Variants in MTMR10 observed in about 807,000 individuals in gnomAD.
The protein encoded by MTMR10 is myotubularin-related protein 10.
In MTMR10, 56 loss-of-function variants were observed where a neutral mutation model predicts 88.1. That is an observed-to-expected ratio of 0.64 (90% CI 0.51 to 0.79). MTMR10 has a LOEUF of 0.79. Among genes scored for constraint, MTMR10 ranks in the 30% least tolerant of loss-of-function variants. The probability of loss-of-function intolerance (pLI) is 0.00; values close to 1 mark genes in which losing one functional copy is unlikely to be tolerated. For missense variants in MTMR10, 883 were observed against 924.7 expected, an observed-to-expected ratio of 0.95 and a Z score of 0.58; for synonymous variants, 380 against 340.9, an observed-to-expected ratio of 1.11 and a Z score of -1.26.
the MTMR10 span, chr15:30,928,539 T>TGA: frequency 8.7e-6 from 14 of 1,611,206 alleles, no homozygotes; most frequent in Middle Eastern, 1.7e-4. Flanking sequence ...TGTGTGTGTG[T>TGA]GACCTTGTCT....
intron 2 of MTMR10, among the ~76,000 whole-genome samples, chr15:30,983,055 G>C (rs2030689939): frequency 1.3e-5 from 2 of 152,238 alleles, no homozygotes. Context: ...AGGTTCTGAA[G>C]TTTTCAGGGA....
chr15:30,944,720 T>C (rs563926236), intron 14 of MTMR10, among the ~76,000 whole-genome samples: 3 of 151,792 alleles, frequency 2.0e-5, no homozygotes, highest in Admixed American at 6.6e-5. Context: ...ATATAGAAAA[T>C]GTCCTCTTGG....
intron 2 of MTMR10, among the ~76,000 whole-genome samples, 154 bp downstream of exon 2, chr15:30,990,623 T>C (rs1219032769): frequency 6.6e-6 from 1 of 152,238 alleles, no homozygotes; most frequent in East Asian, 1.9e-4. Context: ...ATGACATTCT[T>C]GACAGTTCCT....
rs1595930604 is a variant in MTMR10, at chr15:30,965,652, T to C, written c.565+2268A>G. On this transcript the variant is annotated intron_variant, in intron 6 of 15. Transcript: ENST00000435680. ...CTCCTGGGGTGTTTGTGCAAAGCGA[T>C]GTTCCAAAGCCTGGGTGCTACACAT... Among the ~76,000 whole-genome samples, 4 of 152,244 alleles carry C rather than the reference T, an allele frequency of 2.6e-5. No homozygotes were observed. In the East Asian group the frequency reaches 7.7e-4, roughly 29 times the overall value.
chr15:30,950,741 T>C (rs537655721), intron 12 of MTMR10, among the ~76,000 whole-genome samples: 19 of 152,238 alleles, frequency 1.2e-4, no homozygotes, highest in South Asian at 1.2e-3. Flanking sequence ...CATGAGTATA[T>C]AGTCTTCCCT....
the MTMR10 span, chr15:30,925,810 T>C: frequency 6.8e-6 from 11 of 1,614,040 alleles, no homozygotes; most frequent in African/African-American, 4.0e-5. Context: ...AGGCAGGCTG[T>C]GCCCACAGCG....
At chr15:30,983,754 A>T (rs1054885337) in intron 2 of MTMR10, among the ~76,000 whole-genome samples, 1 of 152,210 alleles carries the variant, frequency 6.6e-6, no homozygotes, top group African/African-American at 2.4e-5. Context: ...TCTCAAGCAA[A>T]CTGGGACAAG....
chr15:30,940,299 TC>T lies in MTMR10; in HGVS notation c.*1170del. ...ATACTTTACTTTAGAGAGATTCAGA[TC>T]AAGCAAACAACTGTGTCTGCTCATT... On this transcript the variant is annotated 3_prime_UTR_variant, in exon 16 of 16. Transcript: ENST00000435680. The T allele has an allele frequency of 3.0e-6, 3 of 985,390 alleles. No homozygotes were observed. The highest frequency in any genetic ancestry group is 3.6e-6 in the Non-Finnish European group (3 of 829,912). The allele number at this position is 985,390 out of a possible 1,614,324, so 61.0% of individuals were successfully genotyped here. A position where few individuals can be genotyped will look rare whatever the true frequency, so the allele number is the denominator to read the frequency against.
intron 14 of MTMR10, among the ~76,000 whole-genome samples, chr15:30,944,581 A>AAC (rs2063141019): frequency 6.6e-6 from 1 of 151,730 alleles, no homozygotes; most frequent in African/African-American, 2.4e-5. Context: ...AAAAAAAAAA[A>AAC]AAATTTTAGT....
At chr15:30,968,801 G>A (rs1388970776) in intron 5 of MTMR10, among the ~76,000 whole-genome samples, 1 of 152,146 alleles carries the variant, frequency 6.6e-6, no homozygotes, top group Non-Finnish European at 1.5e-5. Context: ...TGCAGGCTAG[G>A]CCTTTGGAGG....
chr15:30,925,454 C>A, the MTMR10 span, among the ~76,000 whole-genome samples: 1 of 152,192 alleles, frequency 6.6e-6, no homozygotes, highest in African/African-American at 2.4e-5. Flanking sequence ...CCAGTCTCCC[C>A]CTAACGCCCT....
At chr15:30,959,741 G>A (rs2063375959) in intron 7 of MTMR10, among the ~76,000 whole-genome samples, 1 of 152,206 alleles carries the variant, frequency 6.6e-6, no homozygotes, top group African/African-American at 2.4e-5. Context: ...ATGCTGCAAA[G>A]CACCTTTCTA....
intron 14 of MTMR10, among the ~76,000 whole-genome samples, chr15:30,945,009 TAAAA>T (rs77847532): frequency 1.5e-5 from 2 of 137,656 alleles, no homozygotes; most frequent in Admixed American, 7.3e-5. Context: ...CAAACTGTCT[TAAAA>T]AAAAAAAAAA....
rs1470219915 is a variant in MTMR10, at chr15:30,943,012, C to G, written c.1609G>C (p.Val537Leu). 2.6e-6 allele frequency: 4 copies of G among 1,551,984 alleles called. No individual in the cohort carries two copies. In the Admixed American group the frequency reaches 5.9e-5, roughly 23 times the overall value. Residue 537 changes from valine to leucine, a missense_variant, in exon 15 of 16, where the codon GTT (valine) becomes CTT (leucine). Around this residue, in one of 3 missense-constraint regions of MTMR10, gnomAD observed 343 missense variants for 323.2 expected, o/e 1.06. Coordinates refer to ENST00000435680, the MANE Select transcript of MTMR10 (RefSeq NM_017762.3). ...GDEKGLKFPS[V>L]WDWSLQFTAK... ...GTAAACTGGAGAGACCAGTCCCAAA[C>G]AGAGGGGAATTTTAAGCCCTTCTCA...
Position 30,940,349 on chromosome 15 carries a change from T to C in MTMR10, c.*1121A>G, listed in dbSNP as rs748097247. The C allele has an allele frequency of 3.0e-6, 3 of 985,424 alleles. No individual in the cohort carries two copies. The highest frequency in any genetic ancestry group is 3.6e-6 in the Non-Finnish European group (3 of 829,928). The allele number at this position is 985,424 out of a possible 1,614,324, so 61.0% of individuals were successfully genotyped here. Reference sequence around the variant, plus strand: ...TTCTCCTCAACTTTGCTGTCCAAAGTTGGGGGCTGGGGGAGCACTTCTGTC... The same window carrying C: ...TTCTCCTCAACTTTGCTGTCCAAAGCTGGGGGCTGGGGGAGCACTTCTGTC... On this transcript the variant is annotated 3_prime_UTR_variant, in exon 16 of 16. Transcript: ENST00000435680.
At chr15:30,937,939 T>A (rs1285556160), downstream of MTMR10, among the ~76,000 whole-genome samples, 3 of 150,992 alleles carry the variant, frequency 2.0e-5, no homozygotes, top group African/African-American at 7.3e-5. Context: ...CCCAGCACTT[T>A]GGGAGGCTGA....
At chr15:30,924,161 G>A in the MTMR10 span, among the ~76,000 whole-genome samples, 3 of 152,210 alleles carry the variant, frequency 2.0e-5, no homozygotes, top group East Asian at 1.9e-4. Flanking sequence ...CACCCGCATC[G>A]TGGCACATGT....
the MTMR10 span, among the ~76,000 whole-genome samples, chr15:30,929,613 ATAAT>A: frequency 7.7e-6 from 1 of 130,434 alleles, no homozygotes; most frequent in Non-Finnish European, 1.5e-5. Context: ...TATTACATAT[ATAAT>A]ATATATTATA....
At position 30,988,797 on chromosome 15, in the gene MTMR10, T is replaced by A. The variant is rs1267495136; in HGVS notation, c.121+1980A>T. 3.3e-5 allele frequency among the ~76,000 whole-genome samples: 5 copies of A among 152,254 alleles called. No individual in the cohort carries two copies. In the East Asian group the frequency reaches 9.7e-4, roughly 29 times the overall value. ...TGAGGGCAGGAGTTCAAGACCAGCC[T>A]GGCCAACATGGAGAAACCCCATTTC... On this transcript the variant is annotated intron_variant, in intron 2 of 15. Coordinates refer to ENST00000435680, the MANE Select transcript of MTMR10 (RefSeq NM_017762.3).
Sources: gnomAD v4.1 joint callset for allele counts (sites outside exome capture counted in the v4.1 genomes callset) on GRCh38, gnomAD v4.1.1 for gene constraint, gnomAD v4.1.1 regional missense constraint, MANE v1.5 for transcripts, NCBI Gene and HGNC (gene_info 2026-07-23, HGNC 2026-07-21) for gene names.